Variants in TTL observed in about 807,000 individuals in gnomAD.
TTL encodes tubulin--tyrosine ligase.
In TTL, 10 loss-of-function variants were observed where a neutral mutation model predicts 41.1. That is an observed-to-expected ratio of 0.24 (90% confidence interval 0.15 to 0.41). The LOEUF (loss-of-function observed/expected upper bound fraction) is 0.41. Ranked by LOEUF, TTL falls within the 10% of genes least tolerant of loss-of-function variation. The probability of loss-of-function intolerance (pLI) is 1.00; values close to 1 mark genes in which losing one functional copy is unlikely to be tolerated. For synonymous variants in TTL, 175 were observed against 175.5 expected (o/e 1.00, Z 0.02); for missense variants, 367 against 460.4 (o/e 0.80, Z 1.86).
chr2:112,522,879 A>C (rs1682278964), intron 6 of TTL, among the ~76,000 whole-genome samples: 1 of 152,044 alleles, frequency 6.6e-6, no homozygotes, highest in Non-Finnish European at 1.5e-5. Flanking sequence ...CTTCCACCAT[A>C]GTGAAGGTTT....
At chr2:112,501,866 C>A (rs1277043488) in intron 4 of TTL, among the ~76,000 whole-genome samples, 1 of 138,088 alleles carries the variant, frequency 7.2e-6, no homozygotes, top group Admixed American at 7.2e-5. Context: ...ACTCCTGTGT[C>A]AAAAAAAAAA....
At chr2:112,509,076 G>A (rs1445148546) in intron 5 of TTL, among the ~76,000 whole-genome samples, 1 of 117,024 alleles carries the variant, frequency 8.5e-6, no homozygotes, top group Non-Finnish European at 1.8e-5. Context: ...ACCCTGCTGT[G>A]TGAGGTGTCA....
chr2:112,502,717 C>T (rs1681735162), intron 4 of TTL, among the ~76,000 whole-genome samples, 195 bp from the exon 5 acceptor site: 1 of 151,718 alleles, frequency 6.6e-6, no homozygotes, highest in African/African-American at 2.4e-5. Flanking sequence ...GTTTTGTTTG[C>T]CTCATTGTAG....
chr2:112,503,197 C>A lies in TTL; in HGVS notation c.875+16C>A. Reference sequence around the variant, plus strand: ...ATATAATAAGGTAACTTAATTGTATCTTTTTGGATTACGTGTTTCTTCTTG... The same window carrying A: ...ATATAATAAGGTAACTTAATTGTATATTTTTGGATTACGTGTTTCTTCTTG... On this transcript the variant is annotated intron_variant, in intron 5 of 6. Coordinates refer to ENST00000233336, the MANE Select transcript of TTL (RefSeq NM_153712.5). 6.4e-7 allele frequency: 1 copy of A among 1,556,178 alleles called. No individual in the cohort carries two copies. The highest frequency in any genetic ancestry group is 1.8e-4 in the Middle Eastern group (1 of 5,710).
At chr2:112,526,013 C>G (rs1003993425) in intron 6 of TTL, among the ~76,000 whole-genome samples, 5 of 151,870 alleles carry the variant, frequency 3.3e-5, no homozygotes, top group Admixed American at 2.6e-4. Flanking sequence ...TGAATTTTGT[C>G]AAAGGCCTTT....
At chr2:112,527,171 G>C (rs943765840) in intron 6 of TTL, among the ~76,000 whole-genome samples, 1 of 152,228 alleles carries the variant, frequency 6.6e-6, no homozygotes, top group Middle Eastern at 3.4e-3. Flanking sequence ...TATAATTTCT[G>C]TTCTTTTACA....
At chr2:112,490,582 T>A (rs1681354548) in intron 2 of TTL, among the ~76,000 whole-genome samples, 1 of 147,622 alleles carries the variant, frequency 6.8e-6, no homozygotes, top group African/African-American at 2.5e-5. Flanking sequence ...TTTTTTTTTT[T>A]TTTTTTTTGA....
In TTL at chr2:112,488,709, G is replaced by T. The variant is rs368938420; in HGVS notation, c.236+2714G>T. Among the ~76,000 whole-genome samples the T allele has an allele frequency of 2.8e-4, 42 of 150,854 alleles. No individual in the cohort carries two copies. In the East Asian group the frequency reaches 6.8e-3, roughly 25 times the overall value. On this transcript the variant is annotated intron_variant, in intron 2 of 6. Transcript: ENST00000233336. ...AGAGGTGGAGGTTGCAGTGAGCCGA[G>T]ATCATGCCACTGCACTCCAGCTTGG...
At chr2:112,526,372 C>T (rs1381846904) in intron 6 of TTL, among the ~76,000 whole-genome samples, 1 of 152,144 alleles carries the variant, frequency 6.6e-6, no homozygotes, top group Non-Finnish European at 1.5e-5. Flanking sequence ...GTACCAGCTC[C>T]TCTTTGTACC....
chr2:112,485,765 T>A (rs985536612), intron 1 of TTL, 152 bp from the exon 2 acceptor site: 3 of 679,896 alleles, frequency 4.4e-6, no homozygotes, highest in Non-Finnish European at 5.1e-6. Context: ...AGAAAGAGGG[T>A]CCCTGGGGAC....
chr2:112,528,774 A>T lies in TTL; in HGVS notation c.1113A>T (p.Pro371=). ...PPDVEQPQTQ[P]AAFIKL The stretch of plus-strand genomic sequence containing the variant: ...ATGTGGAGCAACCTCAGACCCAGCC[A>T]GCTGCCTTCATCAAGCTGTGACAGA... The change falls in exon 7 of 7, where the codon CCA becomes CCT. Residue 371 remains proline, a synonymous_variant. Transcript: ENST00000233336. 6.2e-7 allele frequency: 1 copy of T among 1,614,124 alleles called. No homozygotes were observed. The highest frequency in any genetic ancestry group is 8.5e-7 in the Non-Finnish European group (1 of 1,180,008).
chr2:112,519,786 A>C (rs944323559), intron 5 of TTL, among the ~76,000 whole-genome samples: 1 of 152,092 alleles, frequency 6.6e-6, no homozygotes, highest in Non-Finnish European at 1.5e-5. Context: ...TTTTCTAACA[A>C]ATGCTTGATA....
intron 3 of TTL, 63 bp from the exon 4 acceptor site, chr2:112,501,143 T>G: frequency 3.3e-6 from 5 of 1,521,424 alleles, no homozygotes; most frequent in Non-Finnish European, 4.4e-6. Context: ...ATTTCCTTTC[T>G]GGATTTATAG....
intron 6 of TTL, among the ~76,000 whole-genome samples, chr2:112,526,455 C>G (rs1682375064): frequency 6.6e-6 from 1 of 152,166 alleles, no homozygotes; most frequent in African/African-American, 2.4e-5. Flanking sequence ...ATTATTGCCT[C>G]AATTTCAGAG....
chr2:112,520,585 G>A (rs1682197550), intron 6 of TTL, 160 bp downstream of exon 6: 3 of 957,284 alleles, frequency 3.1e-6, no homozygotes, highest in Non-Finnish European at 3.1e-6. Context: ...GCTTTGCTGA[G>A]TCACTTCCTT....
chr2:112,507,776 A>T (rs1293287579), intron 5 of TTL, among the ~76,000 whole-genome samples: 1 of 150,450 alleles, frequency 6.6e-6, no homozygotes, highest in African/African-American at 2.5e-5. Context: ...CCAACTTGCC[A>T]GTCTGTGTCT....
intron 5 of TTL, among the ~76,000 whole-genome samples, chr2:112,518,077 CA>C (rs1682119090): frequency 6.6e-6 from 1 of 151,900 alleles, no homozygotes; most frequent in African/African-American, 2.4e-5. Context: ...TCTCCTGCCT[CA>C]GCCTCCTGAG....
rs751463341 is a variant in TTL at position 112,503,108 on chromosome 2, A to G, written c.802A>G (p.Asn268Asp). ...AAATGAAATGTTCTTCAAGGAGTTCAATCAGTACCTAACAAGTGCTTTGAA... is the reference window on the plus strand; with the variant it reads ...AAATGAAATGTTCTTCAAGGAGTTCGATCAGTACCTAACAAGTGCTTTGAA... ...EGNEMFFKEF[N>D]QYLTSALNIT... The change falls in exon 5 of 7, where the codon AAT becomes GAT. Residue 268 changes from asparagine to aspartate, a missense_variant. By Grantham distance (23) the Asn-to-Asp change is conservative (BLOSUM62 1). Transcript: ENST00000233336. 23 of 1,613,580 alleles carry G rather than the reference A, an allele frequency of 1.4e-5. No individual in the cohort carries two copies. The highest frequency in any genetic ancestry group is 1.9e-5 in the Non-Finnish European group (22 of 1,179,978).
chr2:112,509,641 C>G (rs1681869157), intron 5 of TTL, among the ~76,000 whole-genome samples: 2 of 152,214 alleles, frequency 1.3e-5, no homozygotes, highest in Non-Finnish European at 2.9e-5. Context: ...CTTGCGCTTC[C>G]CAGGTGAGGC....
Sources: gnomAD v4.1 joint callset for allele counts (sites outside exome capture counted in the v4.1 genomes callset) on GRCh38, gnomAD v4.1.1 for gene constraint, MANE v1.5 for transcripts, NCBI Gene and HGNC (gene_info 2026-07-23, HGNC 2026-07-21) for gene names.